The following USP24 variants were observed in gnomAD, a reference collection of about 807,000 sequenced individuals.
USP24 encodes ubiquitin carboxyl-terminal hydrolase 24.
In USP24, 97 loss-of-function variants were observed where a neutral mutation model predicts 361.6. That is an observed-to-expected ratio of 0.27 (90% CI 0.23 to 0.32). USP24 has a LOEUF of 0.32. Among genes scored for constraint, USP24 ranks in the 10% least tolerant of loss-of-function variants. USP24 has a pLI of 1.00. For synonymous variants in USP24, 1,098 were observed against 1,124.6 expected (o/e 0.98, Z 0.47); for missense variants, 2,353 against 3,165.6 (o/e 0.74, Z 6.16).
chr1:55,161,930 T>G (rs770951993), intron 8 of USP24, among the ~76,000 whole-genome samples: 2 of 152,118 alleles, frequency 1.3e-5, no homozygotes, highest in Non-Finnish European at 2.9e-5. Flanking sequence ...GCCTACTTTA[T>G]AGATAAGAAA....
rs776930752 is a variant in USP24, at chr1:55,124,513, T to C, written c.4076A>G (p.Asn1359Ser). ...TCGAATTCCAGCAGGACACAGGGAATTACTTTCTTTAATTGGCTGGCTACT... is the reference window on the plus strand; with the variant it reads ...TCGAATTCCAGCAGGACACAGGGAACTACTTTCTTTAATTGGCTGGCTACT... ...VGSSQPIKES[N>S]SLCPAGIRNR... Residue 1359 changes from asparagine (N) to serine (S), a missense_variant, in exon 35 of 68, where the codon AAT (asparagine) becomes AGT (serine). Transcript: ENST00000294383. The C allele has an allele frequency of 6.2e-7, 1 of 1,613,524 alleles. No homozygotes were observed.
At chr1:55,183,645 A>C (rs573071394) in intron 1 of USP24, among the ~76,000 whole-genome samples, 17 of 152,362 alleles carry the variant, frequency 1.1e-4, no homozygotes, top group African/African-American at 3.8e-4. Context: ...AAAGCGGCAA[A>C]TGTAAATCCT....
At position 55,083,833 on chromosome 1, in the gene USP24, A is replaced by C; in HGVS notation, c.6821T>G (p.Val2274Gly). Residue 2274 changes from valine to glycine, a missense_variant, in exon 57 of 68, where the codon GTC (valine) becomes GGC (glycine). By Grantham distance (109) the Val-to-Gly change is moderately radical (BLOSUM62 -3). Transcript: ENST00000294383. ...AGCACAGTTTTTACAATTTTCTGGG[A>C]CGTCTTTGTCCAACAGAGCAAGTAG... is the stretch of plus-strand genomic sequence containing the variant. ...EVLLALLDKD[V>G]PENCKNCAQY... is the part of the protein sequence containing the mutation. 1 of 1,606,206 alleles carries C rather than the reference A, an allele frequency of 6.2e-7. No individual in the cohort carries two copies. The highest frequency in any genetic ancestry group is 1.1e-5 in the South Asian group (1 of 89,242).
intron 55 of USP24, 67 bp from the exon 56 acceptor site, chr1:55,086,105 T>C (rs976814412): frequency 2.0e-6 from 3 of 1,466,362 alleles, no homozygotes; most frequent in South Asian, 1.1e-5. Context: ...CTTCCCATGA[T>C]AGGTCCCATC....
At chr1:55,117,048 T>A (rs114812891) in intron 38 of USP24, among the ~76,000 whole-genome samples, 47 of 152,312 alleles carry the variant, frequency 3.1e-4, no homozygotes, top group Non-Finnish European at 5.9e-4. Flanking sequence ...CGAAAATCTA[T>A]GTAATCTCAT....
chr1:55,089,845 CTCTG>C (rs1284569813), intron 54 of USP24, 105 bp from the exon 55 acceptor site: 1 of 721,254 alleles, frequency 1.4e-6, no homozygotes, highest in Non-Finnish European at 2.3e-6. Flanking sequence ...ATGAATGTCT[CTCTG>C]TATGTCTCTC....
At position 55,071,961 on chromosome 1, in the gene USP24, G is replaced by T. The variant is rs777183172; in HGVS notation, c.7690-37C>A. On this transcript the variant is annotated intron_variant, in intron 66 of 67. Coordinates refer to ENST00000294383, the MANE Select transcript of USP24 (RefSeq NM_015306.3). ...TCAAACACAAGACGACAAAGTTAGG[G>T]CCCATTCAGTGGCAGCAGCAACCGC... The T allele has an allele frequency of 3.2e-6, 5 of 1,558,722 alleles. No homozygotes were observed. In the African/African-American group the frequency reaches 6.8e-5, roughly 21 times the overall value.
At position 55,172,431 on chromosome 1, in the gene USP24, T is replaced by C; in HGVS notation, c.648A>G (p.Ala216=). The C allele has an allele frequency of 6.2e-7, 1 of 1,613,596 alleles. No individual in the cohort carries two copies. The highest frequency in any genetic ancestry group is 8.5e-7 in the Non-Finnish European group (1 of 1,179,686). Residue 216 remains alanine, a synonymous_variant, in exon 4 of 68, where the codon GCA becomes GCG. Transcript: ENST00000294383. ...GAATTGGATCTTGTTTTATTCTCTC[T>C]GCGACCAGTTCTATTAATAGCATCA... ...NMLMLLIELV[A]ERIKQDPIPT...
intron 30 of USP24, 50 bp from the exon 31 acceptor site, chr1:55,132,750 A>T: frequency 6.5e-7 from 1 of 1,538,430 alleles, no homozygotes; most frequent in Admixed American, 2.0e-5. Context: ...AGGACAAATT[A>T]AAGAGAAACA....
At chr1:55,158,431 T>A (rs1380571673) in intron 10 of USP24, among the ~76,000 whole-genome samples, 1 of 152,218 alleles carries the variant, frequency 6.6e-6, no homozygotes, top group African/African-American at 2.4e-5. Context: ...CTGTGCTGTT[T>A]CTGTGGATAT....
intron 63 of USP24, 48 bp downstream of exon 63, chr1:55,075,409 T>C (rs1346088681): frequency 2.6e-6 from 4 of 1,516,832 alleles, no homozygotes; most frequent in Non-Finnish European, 3.6e-6. Context: ...CAATAGATTA[T>C]CCACATATTT....
intron 10 of USP24, among the ~76,000 whole-genome samples, chr1:55,157,974 G>T (rs1324094894): frequency 1.3e-5 from 2 of 152,080 alleles, no homozygotes; most frequent in African/African-American, 2.4e-5. Flanking sequence ...AAAGTATACA[G>T]AAGTGTCAGG....
In USP24 at chr1:55,103,857, C is replaced by G. The variant is rs754602706; in HGVS notation, c.5025+19G>C. Reference sequence around the variant, plus strand: ...ATCATTCTAAAAAAATTAAGTTCATCAACGTCTAGAAAACCTACATCAAAC... The same window carrying G: ...ATCATTCTAAAAAAATTAAGTTCATGAACGTCTAGAAAACCTACATCAAAC... On this transcript the variant is annotated intron_variant, in intron 42 of 67. Coordinates refer to ENST00000294383, the MANE Select transcript of USP24 (RefSeq NM_015306.3). 2.5e-6 allele frequency: 4 copies of G among 1,598,990 alleles called. No homozygotes were observed. The highest frequency in any genetic ancestry group is 1.8e-5 in the Admixed American group (1 of 56,760).
At chr1:55,103,773 C>G (rs964988936) in intron 42 of USP24, 103 bp downstream of exon 42, 5 of 1,314,292 alleles carry the variant, frequency 3.8e-6, no homozygotes, top group Admixed American at 2.7e-5. Flanking sequence ...AATAGTAATA[C>G]TGACTTTCTT....
chr1:55,095,130 G>T, intron 51 of USP24, 125 bp downstream of exon 51: 3 of 1,195,328 alleles, frequency 2.5e-6, no homozygotes, highest in South Asian at 2.1e-5. Context: ...TTTTCTTTTT[G>T]GAATTCTTTT....
In USP24 at chr1:55,079,632, G is replaced by A. The variant is rs779746779; in HGVS notation, c.7106C>T (p.Pro2369Leu). 6.5e-7 allele frequency: 1 copy of A among 1,542,194 alleles called. No homozygotes were observed. The change falls in exon 60 of 68, where the codon CCC (proline) becomes CTC (leucine). Residue 2369 changes from proline to leucine, a missense_variant. Coordinates refer to ENST00000294383, the MANE Select transcript of USP24 (RefSeq NM_015306.3). ...VAPGIFKQRP[P>L]ISIAPSSPLL... ...AGGGCTTGAGGGAGCAATGCTAATGGGTGGTCGTTGCTTAAATATGCCAGG... is the reference window on the plus strand; with the variant it reads ...AGGGCTTGAGGGAGCAATGCTAATGAGTGGTCGTTGCTTAAATATGCCAGG...
intron 38 of USP24, among the ~76,000 whole-genome samples, chr1:55,114,408 G>C (rs1467973952): frequency 6.6e-6 from 1 of 152,120 alleles, no homozygotes; most frequent in Admixed American, 6.5e-5. Flanking sequence ...ATTTCATATG[G>C]AACCAAAACA....
intron 27 of USP24, 53 bp from the exon 28 acceptor site, chr1:55,137,741 C>T (rs2100672253): frequency 6.4e-7 from 1 of 1,567,144 alleles, no homozygotes; most frequent in East Asian, 2.4e-5. Flanking sequence ...GGAAATTATT[C>T]ATATCAGGCT....
intron 1 of USP24, among the ~76,000 whole-genome samples, chr1:55,188,891 C>T (rs138678393): frequency 0.029 from 3,999 of 137,080 alleles, 59 homozygotes; most frequent in South Asian, 0.04. Context: ...ACCTGGGAGG[C>T]GGAGGTTGTG....
Sources: gnomAD v4.1 joint callset for allele counts (sites outside exome capture counted in the v4.1 genomes callset) on GRCh38, gnomAD v4.1.1 for gene constraint, MANE v1.5 for transcripts, NCBI Gene and HGNC (gene_info 2026-07-23, HGNC 2026-07-21) for gene names.